SDK2: variants seen among roughly 807,000 people sequenced by gnomAD.
SDK2 encodes protein sidekick-2.
Under a neutral mutation model 253.9 loss-of-function variants are expected in SDK2, and 105 were observed. That is an observed-to-expected ratio of 0.41 (90% CI 0.35 to 0.49). The LOEUF (loss-of-function observed/expected upper bound fraction) is 0.49. SDK2 is among the 20% of genes least tolerant of loss of function. The pLI is 0.06. For missense variants in SDK2, 2,608 were observed against 3,003.0 expected (o/e 0.87, Z 3.07); for synonymous variants, 1,249 against 1,234.9 (o/e 1.01, Z -0.24).
chr17:73,638,826 A>G (rs1450393351), intron 1 of SDK2, among the ~76,000 whole-genome samples: 4 of 95,586 alleles, frequency 4.2e-5, no homozygotes, highest in Admixed American at 9.6e-5. Context: ...TTTTTTTTTA[A>G]TGAGACAGGG....
At chr17:73,594,974 C>T (rs370672791) in intron 1 of SDK2, among the ~76,000 whole-genome samples, 8 of 152,294 alleles carry the variant, frequency 5.3e-5, no homozygotes, top group African/African-American at 1.9e-4. Context: ...TACCTGCCTG[C>T]TTCACTCCCC....
At chr17:73,448,851 G>A (rs2063472402) in intron 4 of SDK2, among the ~76,000 whole-genome samples, 1 of 152,008 alleles carries the variant, frequency 6.6e-6, no homozygotes, top group Admixed American at 6.5e-5. Flanking sequence ...AGTAAAGACA[G>A]GGTTTTGCTA....
intron 1 of SDK2, among the ~76,000 whole-genome samples, chr17:73,524,593 A>G (rs72845724): frequency 0.12 from 17,742 of 152,254 alleles, 1,122 homozygotes; most frequent in East Asian, 0.21. Flanking sequence ...TGACTGGAGC[A>G]GGGGGCCTCC....
At chr17:73,566,315 A>ATG (rs1348465708) in intron 1 of SDK2, among the ~76,000 whole-genome samples, 32 of 111,822 alleles carry the variant, frequency 2.9e-4, no homozygotes, top group African/African-American at 1.3e-3. Context: ...ATTCTTATAT[A>ATG]TATATGTGTG....
intron 32 of SDK2, among the ~76,000 whole-genome samples, chr17:73,384,697 G>A (rs1413876211): frequency 2.6e-5 from 4 of 152,242 alleles, no homozygotes; most frequent in Non-Finnish European, 5.9e-5. Context: ...GCATGTGCCT[G>A]TAGTCTTGCT....
intron 1 of SDK2, among the ~76,000 whole-genome samples, chr17:73,641,569 C>G (rs2046398524): frequency 6.6e-6 from 1 of 152,110 alleles, no homozygotes; most frequent in Admixed American, 6.5e-5. Context: ...TGATGTCGCT[C>G]AGGTCCAGCA....
intron 1 of SDK2, among the ~76,000 whole-genome samples, chr17:73,638,603 G>A (rs1235121904): frequency 6.6e-6 from 1 of 152,104 alleles, no homozygotes; most frequent in Non-Finnish European, 1.5e-5. Context: ...TCAGTGTGGG[G>A]ACAGGAGTGA....
intron 1 of SDK2, chr17:73,521,233 GT>G (rs2064076841): frequency 6.6e-6 from 1 of 151,536 alleles, no homozygotes; most frequent in African/African-American, 2.4e-5. Flanking sequence ...TAGAGATGAG[GT>G]TTTGACACGT....
intron 1 of SDK2, among the ~76,000 whole-genome samples, chr17:73,566,593 T>C (rs1380842572): frequency 6.6e-6 from 1 of 152,156 alleles, no homozygotes; most frequent in African/African-American, 2.4e-5. Context: ...GATAGAAATA[T>C]AGATAGCAAA....
At chr17:73,626,080 G>A (rs1293120799) in intron 1 of SDK2, among the ~76,000 whole-genome samples, 2 of 152,092 alleles carry the variant, frequency 1.3e-5, no homozygotes, top group Admixed American at 1.3e-4. Context: ...AGACAGAGCC[G>A]TCTCTGGGCA....
chr17:73,584,676 G>C (rs2045581011), intron 1 of SDK2, among the ~76,000 whole-genome samples: 1 of 146,198 alleles, frequency 6.8e-6, no homozygotes, highest in African/African-American at 2.5e-5. Flanking sequence ...GACTTACAGA[G>C]TGAGCTTGGG....
chr17:73,589,884 G>A (rs538736138), intron 1 of SDK2, among the ~76,000 whole-genome samples: 11 of 152,368 alleles, frequency 7.2e-5, no homozygotes, highest in African/African-American at 2.2e-4. Context: ...TGTCCTTGCT[G>A]TAATCAGGTG....
intron 5 of SDK2, 137 bp from the exon 6 acceptor site, chr17:73,441,060 G>C: frequency 1.6e-6 from 1 of 628,530 alleles, no homozygotes; most frequent in Non-Finnish European, 2.8e-6. Context: ...CCCCAGAGCA[G>C]ACCTCCAGAC....
intron 1 of SDK2, among the ~76,000 whole-genome samples, chr17:73,524,110 C>A (rs2064106152): frequency 6.6e-6 from 1 of 152,200 alleles, no homozygotes; most frequent in South Asian, 2.1e-4. Flanking sequence ...CTTCTCCATG[C>A]TTGGGCCTCC....
rs565525383 is a variant in SDK2, at chr17:73,383,181, C to T, written c.4705+695G>A. Among the ~76,000 whole-genome samples the T allele has an allele frequency of 2.6e-4, 40 of 152,314 alleles. No individual in the cohort carries two copies. The highest frequency in any genetic ancestry group is 7.0e-4 in the African/African-American group (29 of 41,570). The stretch of plus-strand genomic sequence containing the variant: ...GTGACTGCAACAGCCTCTATCTGGG[C>T]GCCTGCCTCTGGCTCTCCATCCTCC... On this transcript the variant is annotated intron_variant, in intron 33 of 44. Transcript: ENST00000392650. This position sits in a 1 kb window ranked among gnomAD's most constrained non-coding sequence, Gnocchi z 4.3.
intron 18 of SDK2, 134 bp downstream of exon 18, chr17:73,414,510 G>A (rs1165668260): frequency 1.5e-6 from 1 of 676,852 alleles, no homozygotes; most frequent in East Asian, 2.8e-5. Flanking sequence ...CCTCTAATGT[G>A]TGTCCCTAGC....
intron 2 of SDK2, among the ~76,000 whole-genome samples, chr17:73,499,787 G>A (rs1266333556): frequency 1.3e-5 from 2 of 151,958 alleles, no homozygotes; most frequent in African/African-American, 2.4e-5. Context: ...GTGAGATGAC[G>A]GCAGTAAAGG....
At chr17:73,585,267 T>C (rs2037969560) in intron 1 of SDK2, among the ~76,000 whole-genome samples, 1 of 152,180 alleles carries the variant, frequency 6.6e-6, no homozygotes, top group African/African-American at 2.4e-5. Context: ...CCCTATGCCA[T>C]GCGCTTCTCG....
In SDK2 at chr17:73,447,762, A is replaced by G. The variant is rs1188530505; in HGVS notation, c.480-14T>C. On this transcript the variant is annotated splice_polypyrimidine_tract_variant and intron_variant, in intron 4 of 44. Coordinates refer to ENST00000392650, the MANE Select transcript of SDK2 (RefSeq NM_001144952.2). The surrounding 1 kb of genome is among the most constrained non-coding windows in gnomAD (Gnocchi z 4.0). ...AGCGTGATGGCTCTGGGAAGAGGAA[A>G]AGGATTCCTCTGACAGGGGCCTAAG... 1 of 1,551,524 alleles carries G rather than the reference A, an allele frequency of 6.4e-7. No individual in the cohort carries two copies. The highest frequency in any genetic ancestry group is 8.7e-7 in the Non-Finnish European group (1 of 1,146,924).
Sources: gnomAD v4.1 joint callset for allele counts (sites outside exome capture counted in the v4.1 genomes callset) on GRCh38, gnomAD v4.1.1 for gene constraint, Gnocchi (gnomAD v3.1) non-coding constraint, MANE v1.5 for transcripts, NCBI Gene and HGNC (gene_info 2026-07-23, HGNC 2026-07-21) for gene names.